THPO: variants seen among roughly 807,000 people sequenced by gnomAD.
THPO encodes the protein thrombopoietin.
Under a neutral mutation model 17.0 loss-of-function variants are expected in THPO, and 12 were observed. That is an observed-to-expected ratio of 0.71 (90% confidence interval 0.45 to 1.14). THPO has a LOEUF of 1.14. THPO is among the 50% of genes most tolerant of loss of function. THPO has a pLI of 0.00. For missense variants in THPO, 365 were observed against 427.5 expected (o/e 0.85, Z 1.29); for synonymous variants, 188 against 183.0 (o/e 1.03, Z -0.22).
Position 184,372,867 on chromosome 3 carries a change from G to C in THPO, c.708C>G (p.Thr236=), listed in dbSNP as rs1186500419. The change falls in exon 6 of 6, where the codon ACC becomes ACG. Residue 236 remains threonine, a synonymous_variant. Transcript: ENST00000647395. ...RAKIPGLLNQ[T]SRSLDQIPGY... is the part of the protein sequence containing the mutation. Reference sequence around the variant, plus strand: ...CGGGGATTTGGTCCAGGGACCTGGAGGTTTGGTTCAGCAGACCAGGAATCT... The same window carrying C: ...CGGGGATTTGGTCCAGGGACCTGGACGTTTGGTTCAGCAGACCAGGAATCT... 6.2e-7 allele frequency: 1 copy of C among 1,614,138 alleles called. No homozygotes were observed. The highest frequency in any genetic ancestry group is 2.2e-5 in the East Asian group (1 of 44,876).
intron 3 of THPO, 106 bp from the exon 4 acceptor site, chr3:184,375,707 T>G: frequency 1.4e-6 from 2 of 1,472,288 alleles, no homozygotes; most frequent in South Asian, 2.3e-5. Flanking sequence ...AGACGAGAGC[T>G]TTTAAATGCG....
At position 184,373,160 on chromosome 3, in the gene THPO, T is replaced by C. The variant is rs1714088877; in HGVS notation, c.415A>G (p.Thr139Ala). 1.2e-6 allele frequency: 2 copies of C among 1,612,222 alleles called. No individual in the cohort carries two copies. Among genetic ancestry groups the C allele is most frequent in the African/African-American group, 2.7e-5 (2 of 74,992 alleles). Reference protein sequence around the residue: ...LGTQLPPQGRTTAHKDPNAIF... With the variant: ...LGTQLPPQGRATAHKDPNAIF... ...GCATTGGGATCCTTGTGAGCTGTGG[T>C]CCTGCCCTGTGGAGGAAGCTGAGGG... The change falls in exon 6 of 6, where the codon ACC becomes GCC. Residue 139 changes from threonine (T) to alanine (A), a missense_variant. By Grantham distance (58) the Thr-to-Ala change is moderately conservative (BLOSUM62 0). Coordinates refer to ENST00000647395, the MANE Select transcript of THPO (RefSeq NM_000460.4).
At chr3:184,376,117 C>A in intron 2 of THPO, 102 bp from the exon 3 acceptor site, 1 of 1,611,938 alleles carries the variant, frequency 6.2e-7, no homozygotes, top group South Asian at 1.1e-5. Flanking sequence ...CCCAGGGAAT[C>A]CACCCCTCAG....
Position 184,373,451 on chromosome 3 carries a change from G to A in THPO, c.360C>T (p.Leu120=), listed in dbSNP as rs375553609. ...GGAGGCTCTGCAGGGCCCCAAGGAG[G>A]AGACGGACCTGTCCAGAAAGCTGCC... ...LLGQLSGQVR[L]LLGALQSLLG... Residue 120 remains leucine (L), a synonymous_variant, in exon 5 of 6, where the codon CTC becomes CTT. Coordinates refer to ENST00000647395, the MANE Select transcript of THPO (RefSeq NM_000460.4). 2.5e-6 allele frequency: 4 copies of A among 1,614,096 alleles called. No homozygotes were observed. Among genetic ancestry groups the A allele is most frequent in the Non-Finnish European group, 2.5e-6 (3 of 1,180,028 alleles).
chr3:184,373,262 A>T (rs1320366614), intron 5 of THPO, 84 bp from the exon 6 acceptor site: 1 of 1,582,348 alleles, frequency 6.3e-7, no homozygotes, highest in Non-Finnish European at 8.6e-7. Context: ...ACAGGATGCC[A>T]GTACCCAGGC....
chr3:184,378,098 C>G lies in THPO; in HGVS notation c.-169G>C. 1 of 985,666 alleles carries G rather than the reference C, an allele frequency of 1.0e-6. No homozygotes were observed. Among genetic ancestry groups the G allele is most frequent in the Non-Finnish European group, 1.2e-6 (1 of 830,104 alleles). 61.1% of individuals were successfully genotyped at this position (985,666 alleles called of 1,614,324 possible). A position where few individuals can be genotyped will look rare whatever the true frequency, so the allele number is the denominator to read the frequency against. The stretch of plus-strand genomic sequence containing the variant: ...ACCGGGTGGAGAAGGGCTCCAGGAC[C>G]CAAGTGCACAGCAGGCAGCCCTCTG... On this transcript the variant is annotated 5_prime_UTR_variant, in exon 1 of 6. Coordinates refer to ENST00000647395, the MANE Select transcript of THPO (RefSeq NM_000460.4).
chr3:184,373,219 A>G (rs1345773766), intron 5 of THPO, 41 bp from the exon 6 acceptor site: 1 of 1,605,712 alleles, frequency 6.2e-7, no homozygotes, highest in Non-Finnish European at 8.5e-7. Flanking sequence ...CACCAGGGCC[A>G]GATCTCAGGC....
At chr3:184,377,935 T>C in intron 1 of THPO, 140 bp downstream of exon 1, 4 of 612,158 alleles carry the variant, frequency 6.5e-6, no homozygotes, top group Non-Finnish European at 8.2e-6. Context: ...GCTCCTCCCA[T>C]TCTGGGAAGG....
chr3:184,379,207 G>A (rs1714763469), upstream of THPO, among the ~76,000 whole-genome samples: 1 of 152,164 alleles, frequency 6.6e-6, no homozygotes, highest in Non-Finnish European at 1.5e-5. Flanking sequence ...TTAGGAAGGA[G>A]GGTGCTGGGA....
chr3:184,372,915 C>G lies in THPO; in HGVS notation c.660G>C (p.Lys220Asn), dbSNP rs1365273005. 6.2e-7 allele frequency: 1 copy of G among 1,614,066 alleles called. No homozygotes were observed. Among genetic ancestry groups the G allele is most frequent in the African/African-American group, 1.3e-5 (1 of 74,912 alleles). ...TCTTGGCTCTGAATCCCTGCTGCCA[C>G]TTCAGAAGCCCAGAGCCAGTAGTTC... ...SARTTGSGLLKWQQGFRAKIP... is the reference protein window; with the variant it reads ...SARTTGSGLLNWQQGFRAKIP... Residue 220 changes from lysine to asparagine, a missense_variant, in exon 6 of 6, where the codon AAG becomes AAC. Lys to Asn is a moderately conservative substitution (Grantham distance 94). Coordinates refer to ENST00000647395, the MANE Select transcript of THPO (RefSeq NM_000460.4).
In THPO at chr3:184,376,023, G is replaced by T; in HGVS notation, c.14-8C>A. 1 of 1,613,974 alleles carries T rather than the reference G, an allele frequency of 6.2e-7. No individual in the cohort carries two copies. The highest frequency in any genetic ancestry group is 8.5e-7 in the Non-Finnish European group (1 of 1,179,980). On this transcript the variant is annotated splice_polypyrimidine_tract_variant and splice_region_variant and intron_variant, in intron 2 of 5. Transcript: ENST00000647395. ...TGACCACGAGGAGCAATTCTTAGATGAGGAGAGGTGAGGTTGAAAGATGAG... is the reference window on the plus strand; with the variant it reads ...TGACCACGAGGAGCAATTCTTAGATTAGGAGAGGTGAGGTTGAAAGATGAG...
At chr3:184,377,536 G>T (rs1040188507) in intron 1 of THPO, among the ~76,000 whole-genome samples, 1 of 152,124 alleles carries the variant, frequency 6.6e-6, no homozygotes, top group Non-Finnish European at 1.5e-5. Flanking sequence ...TCCTTCACAG[G>T]ACCCCCCACA....
At chr3:184,375,431 C>A in intron 4 of THPO, 84 bp downstream of exon 4, 1 of 1,425,040 alleles carries the variant, frequency 7.0e-7, no homozygotes, top group Non-Finnish European at 9.9e-7. Context: ...TTAAAAAGCT[C>A]AAGAATGTTG....
In THPO at chr3:184,377,713, C is replaced by T. The variant is rs962306373; in HGVS notation, c.-146+362G>A. ...CCAGCACCAGATTCAGAACCTTAAG[C>T]TAACGAGGAATGACCAGCTAAGAAT... On this transcript the variant is annotated intron_variant, in intron 1 of 5. Transcript: ENST00000647395. Among the ~76,000 whole-genome samples, 13 of 152,328 alleles carry T rather than the reference C, an allele frequency of 8.5e-5. No homozygotes were observed. The Middle Eastern group carries it at 0.014, about 159-fold the overall frequency.
Position 184,373,105 on chromosome 3 carries a change from C to G in THPO, c.470G>C (p.Arg157Pro). 2 of 1,613,820 alleles carry G rather than the reference C, an allele frequency of 1.2e-6. No individual in the cohort carries two copies. Among genetic ancestry groups the G allele is most frequent in the Non-Finnish European group, 8.5e-7 (1 of 1,180,020 alleles). The change falls in exon 6 of 6, where the codon CGA becomes CCA. Residue 157 changes from arginine (R) to proline (P), a missense_variant. Transcript: ENST00000647395. Reference protein sequence around the residue: ...AIFLSFQHLLRGKVRFLMLVG... With the variant: ...AIFLSFQHLLPGKVRFLMLVG... Reference sequence around the variant, plus strand: ...AAGCATCAGGAAACGCACCTTTCCTCGGAGCAGGTGTTGGAAGCTCAGGAA... The same window carrying G: ...AAGCATCAGGAAACGCACCTTTCCTGGGAGCAGGTGTTGGAAGCTCAGGAA...
chr3:184,372,698 A>G lies in THPO; in HGVS notation c.877T>C (p.Ser293Pro). 4 of 1,613,202 alleles carry G rather than the reference A, an allele frequency of 2.5e-6. No individual in the cohort carries two copies. The South Asian group carries it at 4.4e-5, about 18-fold the overall frequency. ...GTAGGAGGATGGGTTGGGGAAGGAG[A>G]ATATCCAGGCTGGAGGTTGGGTGGC... ...SLPPNLQPGY[S>P]PSPTHPPTGQ... The change falls in exon 6 of 6, where the codon TCT becomes CCT. Residue 293 changes from serine to proline, a missense_variant. By Grantham distance (74) the Ser-to-Pro change is moderately conservative. Transcript: ENST00000647395.
upstream of THPO, chr3:184,378,700 G>T: frequency 1.4e-6 from 1 of 697,292 alleles, no homozygotes; most frequent in Non-Finnish European, 1.8e-6. Context: ...GGGTTGAGTG[G>T]ACTGTCAGGT....
chr3:184,376,481 G>A (rs1714411414), intron 1 of THPO, 77 bp from the exon 2 acceptor site: 2 of 1,415,224 alleles, frequency 1.4e-6, no homozygotes, highest in African/African-American at 2.9e-5. Context: ...CAGATGCTGG[G>A]GAGGGCTTGA....
rs1180810923 is a variant in THPO at position 184,373,161 on chromosome 3, C to T, written c.414G>A (p.Arg138=). The T allele has an allele frequency of 6.2e-7, 1 of 1,612,042 alleles. No homozygotes were observed. The highest frequency in any genetic ancestry group is 8.5e-7 in the Non-Finnish European group (1 of 1,180,010). ...CATTGGGATCCTTGTGAGCTGTGGT[C>T]CTGCCCTGTGGAGGAAGCTGAGGGC... ...LLGTQLPPQG[R]TTAHKDPNAI... is the part of the protein sequence containing the mutation. The change falls in exon 6 of 6, where the codon AGG becomes AGA. Residue 138 remains arginine (R), a synonymous_variant. Coordinates refer to ENST00000647395, the MANE Select transcript of THPO (RefSeq NM_000460.4).
Sources: gnomAD v4.1 joint callset for allele counts (sites outside exome capture counted in the v4.1 genomes callset) on GRCh38, gnomAD v4.1.1 for gene constraint, MANE v1.5 for transcripts, NCBI Gene and HGNC (gene_info 2026-07-23, HGNC 2026-07-21) for gene names.